LRRTM4: variants seen among roughly 807,000 people sequenced by gnomAD.
LRRTM4 encodes leucine-rich repeat transmembrane neuronal protein 4.
A neutral mutation model predicts 47.6 loss-of-function variants in LRRTM4; 25 were observed. The ratio of observed to expected loss-of-function variants is 0.53; its 90% CI spans 0.38 to 0.73. The LOEUF is 0.73. Ranked by LOEUF, LRRTM4 falls within the 30% of genes least tolerant of loss-of-function variation. The probability of loss-of-function intolerance (pLI) is 0.00; values close to 1 mark genes in which losing one functional copy is unlikely to be tolerated. For synonymous variants in LRRTM4, 311 were observed against 269.5 expected (o/e 1.15, Z -1.51); for missense variants, 638 against 713.4 (o/e 0.89, Z 1.20).
chr2:76,892,049 G>A (rs1384230863), intron 3 of LRRTM4, among the ~76,000 whole-genome samples: 1 of 151,536 alleles, frequency 6.6e-6, no homozygotes, highest in Middle Eastern at 3.2e-3. Context: ...TGTAGAAAAT[G>A]AGTAATTTTA....
At chr2:76,907,721 G>A (rs1161951270) in intron 3 of LRRTM4, among the ~76,000 whole-genome samples, 6 of 119,656 alleles carry the variant, frequency 5.0e-5, no homozygotes, top group South Asian at 2.7e-4. Context: ...ACACCTCTAC[G>A]CAAATAAACT....
chr2:77,005,542 G>T (rs1358967878), intron 3 of LRRTM4, among the ~76,000 whole-genome samples: 4 of 152,136 alleles, frequency 2.6e-5, no homozygotes, highest in Admixed American at 2.0e-4. Flanking sequence ...ACCTTGAATT[G>T]TAATAATCCC....
At chr2:77,410,063 T>C (rs1415735152) in intron 3 of LRRTM4, among the ~76,000 whole-genome samples, 3 of 152,218 alleles carry the variant, frequency 2.0e-5, no homozygotes, top group African/African-American at 7.2e-5. Flanking sequence ...TATATAATGA[T>C]GTCAATATCA....
intron 3 of LRRTM4, among the ~76,000 whole-genome samples, chr2:76,762,522 ATGATT>A (rs1443751745): frequency 3.3e-5 from 5 of 152,182 alleles, no homozygotes; most frequent in African/African-American, 1.2e-4. Flanking sequence ...GCTGTGTATT[ATGATT>A]TAATTTTATG....
At chr2:77,252,813 G>T (rs185186716) in intron 3 of LRRTM4, among the ~76,000 whole-genome samples, 6 of 152,162 alleles carry the variant, frequency 3.9e-5, no homozygotes, top group Non-Finnish European at 1.5e-5. Flanking sequence ...TTAAACAAGA[G>T]AAATTTATTC....
rs146872336 is a variant in LRRTM4, at chr2:76,998,908, T to G, written c.1552-249992A>C. Among the ~76,000 whole-genome samples, 246 of 152,140 alleles carry G rather than the reference T, an allele frequency of 1.6e-3. 1 individual carries two copies. Among genetic ancestry groups the G allele is most frequent in the Middle Eastern group, 0.01 (3 of 294 alleles). On this transcript the variant is annotated intron_variant, in intron 3 of 3. Coordinates refer to ENST00000409884, the MANE Select transcript of LRRTM4 (RefSeq NM_001134745.3). ...AGCAAAATCAATAAATCAACGTAAT[T>G]AAACCACTATCATAAAGAATATTAC...
chr2:77,003,919 T>C (rs968760194), intron 3 of LRRTM4, among the ~76,000 whole-genome samples: 5 of 152,172 alleles, frequency 3.3e-5, no homozygotes, highest in Admixed American at 6.5e-5. Flanking sequence ...GGTGGTCTCA[T>C]AGGGACATGA....
intron 3 of LRRTM4, among the ~76,000 whole-genome samples, chr2:77,309,692 TAGATA>T (rs1468054879): frequency 1.1e-4 from 15 of 140,264 alleles, no homozygotes; most frequent in Non-Finnish European, 1.9e-4. Context: ...GATAGATAGA[TAGATA>T]GATAGATAGA....
At chr2:77,058,637 G>A (rs1045508960) in intron 3 of LRRTM4, among the ~76,000 whole-genome samples, 1 of 151,752 alleles carries the variant, frequency 6.6e-6, no homozygotes, top group Admixed American at 6.6e-5. Context: ...AGGGTAATTA[G>A]AATATTATTC....
chr2:76,931,257 T>C (rs1464579300), intron 3 of LRRTM4, among the ~76,000 whole-genome samples: 1 of 152,208 alleles, frequency 6.6e-6, no homozygotes, highest in Non-Finnish European at 1.5e-5. Context: ...GAAGTGATTA[T>C]TTACATTCTG....
At chr2:77,130,438 T>G (rs2103973823) in intron 3 of LRRTM4, among the ~76,000 whole-genome samples, 1 of 152,296 alleles carries the variant, frequency 6.6e-6, no homozygotes, top group African/African-American at 2.4e-5. Context: ...ATGGAGTATT[T>G]TTGAAGAAAT....
At chr2:77,106,783 T>A (rs1366007927) in intron 3 of LRRTM4, among the ~76,000 whole-genome samples, 1 of 151,804 alleles carries the variant, frequency 6.6e-6, no homozygotes, top group African/African-American at 2.4e-5. Context: ...GTTGCCAATA[T>A]TAATGATAAT....
intron 3 of LRRTM4, among the ~76,000 whole-genome samples, chr2:76,892,008 A>T (rs1673271077): frequency 6.7e-6 from 1 of 149,548 alleles, no homozygotes; most frequent in Admixed American, 6.7e-5. Flanking sequence ...AAAATAAAAA[A>T]ATTGCAGAAT....
At chr2:77,179,916 A>G (rs1391846680) in intron 3 of LRRTM4, among the ~76,000 whole-genome samples, 3 of 152,190 alleles carry the variant, frequency 2.0e-5, no homozygotes, top group African/African-American at 4.8e-5. Context: ...TCAGAAATAC[A>G]TAAGTGTATT....
At position 77,417,868 on chromosome 2, in the gene LRRTM4, A is replaced by G. The variant is rs554462257; in HGVS notation, c.1551+100450T>C. Among the ~76,000 whole-genome samples, 170 of 152,308 alleles carry G rather than the reference A, an allele frequency of 1.1e-3. 1 individual carries two copies. The highest frequency in any genetic ancestry group is 1.8e-3 in the Non-Finnish European group (122 of 68,024). ...ATGGCACATGTATACATATGTAACA[A>G]ACCTGCACGTTGTGCACATGTACCC... is the stretch of plus-strand genomic sequence containing the variant. On this transcript the variant is annotated intron_variant, in intron 3 of 3. Transcript: ENST00000409884.
intron 3 of LRRTM4, among the ~76,000 whole-genome samples, chr2:77,039,378 C>T (rs1437527338): frequency 6.7e-6 from 1 of 149,732 alleles, no homozygotes; most frequent in Non-Finnish European, 1.5e-5. Context: ...AACAGAGATA[C>T]AGGTATATTT....
intron 3 of LRRTM4, among the ~76,000 whole-genome samples, chr2:77,253,127 T>C (rs1333937025): frequency 1.3e-5 from 2 of 152,164 alleles, no homozygotes; most frequent in Admixed American, 6.6e-5. Flanking sequence ...CATTATTTAC[T>C]TGTCCTAATA....
At chr2:77,237,351 T>G (rs1265975374) in intron 3 of LRRTM4, among the ~76,000 whole-genome samples, 1 of 152,128 alleles carries the variant, frequency 6.6e-6, no homozygotes, top group Non-Finnish European at 1.5e-5. Context: ...GTATTGATAA[T>G]AGTTTCTGTG....
At chr2:77,286,904 A>T (rs1261927886) in intron 3 of LRRTM4, among the ~76,000 whole-genome samples, 1 of 151,802 alleles carries the variant, frequency 6.6e-6, no homozygotes, top group Non-Finnish European at 1.5e-5. Flanking sequence ...TACTTCACTC[A>T]CTCCATAGTA....
Sources: allele counts gnomAD v4.1 joint callset (sites outside exome capture counted in the v4.1 genomes callset), GRCh38; gene constraint gnomAD v4.1.1; transcripts MANE v1.5; gene names NCBI Gene and HGNC (gene_info 2026-07-23, HGNC 2026-07-21).